The following GRAMD1B variants were observed in gnomAD, a reference collection of about 807,000 sequenced individuals.
GRAMD1B encodes GRAM domain containing 1B.
In GRAMD1B, 37 loss-of-function variants were observed where a neutral mutation model predicts 99.7. That is an observed-to-expected ratio of 0.37 (90% CI 0.29 to 0.49). The LOEUF (loss-of-function observed/expected upper bound fraction) is 0.49, where lower values mean the gene tolerates loss of function less well. Among genes scored for constraint, GRAMD1B ranks in the 20% least tolerant of loss-of-function variants. The pLI is 0.98. For synonymous variants in GRAMD1B, 427 were observed against 387.6 expected (o/e 1.10, Z -1.19); for missense variants, 888 against 1,009.2 (o/e 0.88, Z 1.63).
intron 1 of GRAMD1B, among the ~76,000 whole-genome samples, chr11:123,441,429 C>T (rs545333314): frequency 5.9e-5 from 9 of 152,078 alleles, no homozygotes; most frequent in East Asian, 1.9e-4. Flanking sequence ...CCGCTTGAGC[C>T]GAGGAGTTGG....
At chr11:123,376,911 G>C (rs371951240) in intron 1 of GRAMD1B, among the ~76,000 whole-genome samples, 2 of 152,314 alleles carry the variant, frequency 1.3e-5, no homozygotes, top group East Asian at 3.9e-4. Context: ...CTCAGTAACT[G>C]CTAGTTAACT....
chr11:123,489,618 A>C (rs1938309470), intron 2 of GRAMD1B, among the ~76,000 whole-genome samples: 1 of 152,190 alleles, frequency 6.6e-6, no homozygotes, highest in East Asian at 1.9e-4. Context: ...TGGTTACCAC[A>C]GAGCAGTTTC....
At chr11:123,605,731 A>G (rs1952624522) in intron 10 of GRAMD1B, among the ~76,000 whole-genome samples, 1 of 152,236 alleles carries the variant, frequency 6.6e-6, no homozygotes, top group Non-Finnish European at 1.5e-5. Context: ...AACCATTTCA[A>G]GCCCACTGTG....
chr11:123,560,477 G>A, intron 2 of GRAMD1B: 1 of 1,220,676 alleles, frequency 8.2e-7, no homozygotes, highest in Non-Finnish European at 1.0e-6. Flanking sequence ...TGAGAGCCCT[G>A]GCCCGAGTCC....
intron 2 of GRAMD1B, among the ~76,000 whole-genome samples, chr11:123,523,608 T>G (rs2135450540): frequency 6.6e-6 from 1 of 152,254 alleles, no homozygotes; most frequent in African/African-American, 2.4e-5. Context: ...TCTAATATAA[T>G]ACTTGGAAAT....
chr11:123,513,154 C>T (rs1304167948), intron 2 of GRAMD1B, among the ~76,000 whole-genome samples: 2 of 152,160 alleles, frequency 1.3e-5, no homozygotes, highest in African/African-American at 4.8e-5. Flanking sequence ...TCAGGCTTCC[C>T]TTTTTATTTC....
chr11:123,606,794 T>G lies in GRAMD1B; in HGVS notation c.1509T>G (p.Asp503Glu). ...TELSDSSDTH[D>E]EGEVQAFYED... ...TCAGTGACTCTTCCGACACACACGA[T>G]GAAGGTGGGCATTTGAAAATGGGTC... Residue 503 changes from aspartate to glutamate, a missense_variant, in exon 11 of 20, where the codon GAT becomes GAG. Asp to Glu is a conservative substitution (Grantham distance 45). Coordinates refer to ENST00000635736, the MANE Select transcript of GRAMD1B (RefSeq NM_001387025.1). The G allele has an allele frequency of 6.2e-7, 1 of 1,613,306 alleles. No homozygotes were observed. The highest frequency in any genetic ancestry group is 8.5e-7 in the Non-Finnish European group (1 of 1,179,486).
rs1565460758 is a variant in GRAMD1B, at chr11:123,610,120, G to A, written c.1777-76G>A. ...GAAGCCGTGGGGTGGGGTGGGCTTG[G>A]GGAGGCTGGAGAAGGTGCTTTTCCA... is the stretch of plus-strand genomic sequence containing the variant. On this transcript the variant is annotated intron_variant, in intron 13 of 19. Transcript: ENST00000635736. This position sits in a 1 kb window ranked among gnomAD's most constrained non-coding sequence, Gnocchi z 4.1. 2 of 1,432,086 alleles carry A rather than the reference G, an allele frequency of 1.4e-6. No individual in the cohort carries two copies. The highest frequency in any genetic ancestry group is 1.2e-5 in the South Asian group (1 of 82,404). 88.7% of individuals were successfully genotyped at this position (1,432,086 alleles called of 1,614,324 possible).
intron 2 of GRAMD1B, among the ~76,000 whole-genome samples, chr11:123,539,324 A>C (rs981020324): frequency 1.3e-5 from 2 of 152,204 alleles, no homozygotes; most frequent in African/African-American, 2.4e-5. Flanking sequence ...AATTTGGGTT[A>C]AATGTGGTGG....
chr11:123,411,566 T>C lies in GRAMD1B; in HGVS notation c.-176+52767T>C, dbSNP rs148661493. Among the ~76,000 whole-genome samples, 159 of 152,262 alleles carry C rather than the reference T, an allele frequency of 1.0e-3. 1 individual carries two copies. The highest frequency in any genetic ancestry group is 3.7e-3 in the African/African-American group (155 of 41,532). On this transcript the variant is annotated intron_variant, in intron 1 of 20. Transcript: ENST00000638157. ...TTGGTATTATTGGCTTAAGTTACATTCCCCCAGAGATTTAGAAATACCCAA... is the reference window on the plus strand; with the variant it reads ...TTGGTATTATTGGCTTAAGTTACATCCCCCCAGAGATTTAGAAATACCCAA...
chr11:123,618,476 C>G, intron 17 of GRAMD1B: 1 of 921,046 alleles, frequency 1.1e-6, no homozygotes, highest in South Asian at 1.3e-5. Flanking sequence ...GTGCCTTCAT[C>G]CCATGCCCCT....
chr11:123,608,858 C>T (rs1953118186), intron 12 of GRAMD1B, 56 bp downstream of exon 12: 1 of 1,165,704 alleles, frequency 8.6e-7, no homozygotes. Context: ...TCACTTCTTC[C>T]CTCTCTACAT....
At chr11:123,515,246 T>G (rs1941562359) in intron 2 of GRAMD1B, among the ~76,000 whole-genome samples, 1 of 152,178 alleles carries the variant, frequency 6.6e-6, no homozygotes, top group Non-Finnish European at 1.5e-5. Flanking sequence ...GGAGTTCCCT[T>G]TATTCATACT....
rs1261460485 is a variant in GRAMD1B at position 123,625,286 on chromosome 11, A to G, written c.*2691A>G. ...GTAACTTCTTCCAGCCAGTGCTTTT[A>G]TTGTTCGTTTTAGTTTACTGGGGAC... On this transcript the variant is annotated 3_prime_UTR_variant, in exon 20 of 20. Coordinates refer to ENST00000635736, the MANE Select transcript of GRAMD1B (RefSeq NM_001387025.1). 6.6e-6 allele frequency: 1 copy of G among 152,154 alleles called. No homozygotes were observed. The highest frequency in any genetic ancestry group is 1.9e-4 in the East Asian group (1 of 5,194). 9.4% of individuals were successfully genotyped at this position (152,154 alleles called of 1,614,324 possible).
intron 1 of GRAMD1B, among the ~76,000 whole-genome samples, chr11:123,396,385 C>G (rs1230258757): frequency 2.0e-5 from 3 of 152,000 alleles, no homozygotes; most frequent in African/African-American, 7.2e-5. Context: ...AAGCAATTCT[C>G]CTGCCTCAGC....
chr11:123,534,174 A>G (rs1943706744), intron 2 of GRAMD1B, among the ~76,000 whole-genome samples: 1 of 152,226 alleles, frequency 6.6e-6, no homozygotes, highest in Non-Finnish European at 1.5e-5. Flanking sequence ...CATTTTTGGT[A>G]TTATGCATTA....
At chr11:123,406,240 T>C (rs927165871) in intron 1 of GRAMD1B, among the ~76,000 whole-genome samples, 3 of 151,442 alleles carry the variant, frequency 2.0e-5, no homozygotes, top group African/African-American at 7.3e-5. Context: ...TGTGAGCTAC[T>C]GTACCCAGCC....
At chr11:123,560,358 A>T in intron 2 of GRAMD1B, 1 of 1,174,802 alleles carries the variant, frequency 8.5e-7, no homozygotes, top group Non-Finnish European at 1.1e-6. Context: ...GCACGACCAC[A>T]CCAAATAACA....
intron 4 of GRAMD1B, among the ~76,000 whole-genome samples, chr11:123,589,796 A>G (rs1021377173): frequency 6.6e-6 from 1 of 151,986 alleles, no homozygotes; most frequent in African/African-American, 2.4e-5. Flanking sequence ...TCACTGGGCC[A>G]TTTTGAAGTA....
Sources: gnomAD v4.1 joint callset for allele counts (sites outside exome capture counted in the v4.1 genomes callset) on GRCh38, gnomAD v4.1.1 for gene constraint, Gnocchi (gnomAD v3.1) non-coding constraint, MANE v1.5 for transcripts, NCBI Gene and HGNC (gene_info 2026-07-23, HGNC 2026-07-21) for gene names.